C9: variants seen among roughly 807,000 people sequenced by gnomAD.
C9 encodes the protein complement C9, also known as complement component C9.
Under a neutral mutation model 65.4 loss-of-function variants are expected in C9, and 63 were observed. That is an observed-to-expected ratio of 0.96 (90% CI 0.79 to 1.19). The LOEUF (loss-of-function observed/expected upper bound fraction) is 1.19. Ranked by LOEUF, C9 falls within the 50% of genes most tolerant of loss-of-function variation. The probability of loss-of-function intolerance (pLI) is 0.00; values close to 1 mark genes in which losing one functional copy is unlikely to be tolerated. For missense variants in C9, 744 were observed against 670.1 expected (o/e 1.11, Z -1.22); for synonymous variants, 229 against 227.9 (o/e 1.00, Z -0.04).
intron 9 of C9, among the ~76,000 whole-genome samples, chr5:39,299,836 T>C (rs1302551391): frequency 6.6e-6 from 1 of 152,224 alleles, no homozygotes; most frequent in East Asian, 1.9e-4. Flanking sequence ...TTTTTAAAAA[T>C]CTAATTACAT....
intron 1 of C9, 40 bp from the exon 2 acceptor site, chr5:39,342,236 G>T: frequency 1.9e-6 from 2 of 1,064,654 alleles, no homozygotes; most frequent in South Asian, 1.3e-5. Context: ...TGACCATTGT[G>T]TATATCTGTT....
rs1234194443 is a variant in C9 at position 39,345,945 on chromosome 5, AGAAATAAAGATGTTCTTT to A, written c.78-3767_78-3750del. Among the ~76,000 whole-genome samples, 125 of 152,370 alleles carry A rather than the reference AGAAATAAAGATGTTCTTT, an allele frequency of 8.2e-4. 1 individual carries two copies. The highest frequency in any genetic ancestry group is 2.9e-3 in the African/African-American group (121 of 41,586). On this transcript the variant is annotated intron_variant, in intron 1 of 10. Coordinates refer to ENST00000263408, the MANE Select transcript of C9 (RefSeq NM_001737.5). ...ACTGGGTACATAACGAAATGAAGCC[AGAAATAAAGATGTTCTTT>A]GAAACCAATGAGAACAAAGACACAA...
At chr5:39,313,968 A>G (rs1345942064) in intron 6 of C9, among the ~76,000 whole-genome samples, 3 of 152,152 alleles carry the variant, frequency 2.0e-5, no homozygotes. Flanking sequence ...TGCTCAGGCC[A>G]AAAACCTTGG....
intron 1 of C9, among the ~76,000 whole-genome samples, chr5:39,358,871 G>A (rs901669750): frequency 6.6e-6 from 1 of 151,408 alleles, no homozygotes; most frequent in Non-Finnish European, 1.5e-5. Flanking sequence ...TGTAGTCCCA[G>A]CTACTAGGGA....
intron 1 of C9, among the ~76,000 whole-genome samples, chr5:39,348,704 A>G (rs186742257): frequency 2.8e-4 from 42 of 152,354 alleles, no homozygotes; most frequent in African/African-American, 1.0e-3. Flanking sequence ...TCATGCTGCT[A>G]TAAAGGCACA....
At chr5:39,289,443 T>G (rs567910077) in intron 9 of C9, among the ~76,000 whole-genome samples, 1 of 150,874 alleles carries the variant, frequency 6.6e-6, no homozygotes, top group Non-Finnish European at 1.5e-5. Flanking sequence ...TCTTTCTTGT[T>G]TTTTTTTTCC....
chr5:39,312,663 C>T (rs1210135907), intron 6 of C9, among the ~76,000 whole-genome samples: 1 of 152,202 alleles, frequency 6.6e-6, no homozygotes, highest in Non-Finnish European at 1.5e-5. Context: ...AATGCCATAG[C>T]TTGTCCTGAT....
At chr5:39,285,584 G>A (rs1451357396) in intron 10 of C9, among the ~76,000 whole-genome samples, 2 of 151,928 alleles carry the variant, frequency 1.3e-5, no homozygotes, top group South Asian at 2.1e-4. Context: ...CTAAAGATTA[G>A]AATAACCAGT....
At chr5:39,311,011 T>G (rs1474974722) in intron 7 of C9, 126 bp downstream of exon 7, 9 of 1,028,806 alleles carry the variant, frequency 8.7e-6, no homozygotes, top group African/African-American at 1.6e-5. Context: ...AGGAAGAGAG[T>G]CCTCTCAAAG....
rs546982344 is a variant in C9, at chr5:39,343,736, A to G, written c.78-1540T>C. On this transcript the variant is annotated intron_variant, in intron 1 of 10. Transcript: ENST00000263408. ...TGGACAGACTGCCTCCTCAAGTGGG[A>G]CCCTGATCCCCAAGTAGCCTAACTG... is the stretch of plus-strand genomic sequence containing the variant. Among the ~76,000 whole-genome samples the G allele has an allele frequency of 2.1e-3, 315 of 152,228 alleles. 3 individuals are homozygous for G. The highest frequency in any genetic ancestry group is 7.3e-3 in the African/African-American group (305 of 41,548).
chr5:39,329,336 G>A (rs11953839), intron 5 of C9, among the ~76,000 whole-genome samples: 53,850 of 151,982 alleles, frequency 0.35, 10,282 homozygotes, highest in Middle Eastern at 0.5. Flanking sequence ...TTTACTGAGG[G>A]CTTGCTATAT....
rs1190160699 is a variant in C9 at position 39,331,288 on chromosome 5, G to A, written c.615+388C>T. On this transcript the variant is annotated intron_variant, in intron 5 of 10. Coordinates refer to ENST00000263408, the MANE Select transcript of C9 (RefSeq NM_001737.5). ...TTAGTCAAGCAGGCTCTTCATAGGC[G>A]GATGCTGAAGGAAAACCAACGCAAA... 3.9e-5 allele frequency among the ~76,000 whole-genome samples: 6 copies of A among 152,120 alleles called. No individual in the cohort carries two copies. In the East Asian group the frequency reaches 5.8e-4, roughly 15 times the overall value.
At chr5:39,327,364 A>G (rs1753765110) in intron 5 of C9, among the ~76,000 whole-genome samples, 1 of 152,232 alleles carries the variant, frequency 6.6e-6, no homozygotes, top group Admixed American at 6.5e-5. Context: ...AGTCATTCCT[A>G]CATGAGAAGT....
rs968174170 is a variant in C9 at position 39,331,715 on chromosome 5, G to A, written c.576C>T (p.Tyr192=). 3 of 1,613,792 alleles carry A rather than the reference G, an allele frequency of 1.9e-6. No individual in the cohort carries two copies. Among genetic ancestry groups the A allele is most frequent in the Non-Finnish European group, 2.5e-6 (3 of 1,179,666 alleles). Residue 192 remains tyrosine (Y), a synonymous_variant, in exon 5 of 11, where the codon TAC becomes TAT. Coordinates refer to ENST00000263408, the MANE Select transcript of C9 (RefSeq NM_001737.5). ...NRDRDGNTLT[Y]YRRPWNVASL... is the part of the protein sequence containing the mutation. ...AAGCCACGTTCCAAGGTCTTCGGTA[G>A]TATGTCAGAGTGTTTCCATCCCGAT... is the stretch of plus-strand genomic sequence containing the variant.
intron 4 of C9, among the ~76,000 whole-genome samples, chr5:39,337,994 A>C (rs1056428942): frequency 3.9e-5 from 6 of 152,252 alleles, no homozygotes; most frequent in Admixed American, 2.0e-4. Flanking sequence ...TAGGGAGTGT[A>C]CTCCTATTAC....
chr5:39,285,947 A>G (rs558806738), intron 10 of C9, among the ~76,000 whole-genome samples: 4 of 152,122 alleles, frequency 2.6e-5, no homozygotes, highest in Non-Finnish European at 5.9e-5. Context: ...AGAACATTCT[A>G]TGTCAACATG....
intron 7 of C9, 133 bp from the exon 8 acceptor site, chr5:39,308,491 C>T (rs1579848124): frequency 2.8e-6 from 2 of 712,366 alleles, no homozygotes; most frequent in Non-Finnish European, 5.1e-6. Context: ...AATGTGCCAT[C>T]ATGTCTGTCC....
intron 1 of C9, among the ~76,000 whole-genome samples, chr5:39,357,766 T>C (rs1321158631): frequency 1.3e-5 from 2 of 152,244 alleles, no homozygotes; most frequent in South Asian, 2.1e-4. Context: ...CCATCAAAAG[T>C]AGGGTTTATG....
intron 9 of C9, 104 bp downstream of exon 9, chr5:39,306,513 T>A (rs372309190): frequency 2.2e-6 from 2 of 918,500 alleles, no homozygotes; most frequent in African/African-American, 3.3e-5. Flanking sequence ...TGTATCTGAA[T>A]GTTCACGTCT....
Sources: gnomAD v4.1 joint callset for allele counts (sites outside exome capture counted in the v4.1 genomes callset) on GRCh38, gnomAD v4.1.1 for gene constraint, MANE v1.5 for transcripts, NCBI Gene and HGNC (gene_info 2026-07-23, HGNC 2026-07-21) for gene names.